Variants in CDH6 observed in about 807,000 individuals in gnomAD.
CDH6 encodes cadherin-6.
Under a neutral mutation model 78.0 loss-of-function variants are expected in CDH6, and 31 were observed. That is an observed-to-expected ratio of 0.40 (90% CI 0.30 to 0.54). The LOEUF is 0.54. Among genes scored for constraint, CDH6 ranks in the 20% least tolerant of loss-of-function variants. The pLI, the probability that CDH6 is intolerant of heterozygous loss-of-function variation, is 0.56. For missense variants in CDH6, 724 were observed against 975.9 expected, an observed-to-expected ratio of 0.74 and a Z score of 3.44; for synonymous variants, 376 against 368.8, an observed-to-expected ratio of 1.02 and a Z score of -0.23.
At chr5:31,277,554 A>G (rs1285408175) in intron 2 of CDH6, among the ~76,000 whole-genome samples, 1 of 152,214 alleles carries the variant, frequency 6.6e-6, no homozygotes, top group Non-Finnish European at 1.5e-5. Context: ...CCTTTTTAAG[A>G]GCAGAATAAT....
intron 1 of CDH6, among the ~76,000 whole-genome samples, chr5:31,252,042 C>A (rs762117209): frequency 1.3e-5 from 2 of 152,116 alleles, no homozygotes; most frequent in Non-Finnish European, 2.9e-5. Flanking sequence ...AAAATTGGAG[C>A]CTTTAATGCT....
chr5:31,267,532 T>C lies in CDH6; in HGVS notation c.59T>C (p.Leu20Pro). Residue 20 changes from leucine to proline, a missense_variant, in exon 2 of 12, where the codon CTC becomes CCC. Physicochemically the swap from Leu to Pro is moderately conservative, Grantham distance 98. This residue lies in a region of CDH6 where 58 missense variants were observed against 50.8 expected (regional missense o/e 1.14). Coordinates refer to ENST00000265071, the MANE Select transcript of CDH6 (RefSeq NM_004932.4). The stretch of plus-strand genomic sequence containing the variant: ...TGGGTGGGCCAGCCCTACCCAACTC[T>C]CTCAACTCCACTATCAAAGAGGACT... ...LFWVGQPYPT[L>P]STPLSKRTSG... 6.2e-7 allele frequency: 1 copy of C among 1,614,048 alleles called. No homozygotes were observed. Among genetic ancestry groups the C allele is most frequent in the East Asian group, 2.2e-5 (1 of 44,848 alleles).
intron 2 of CDH6, among the ~76,000 whole-genome samples, chr5:31,273,087 C>T (rs1236159614): frequency 2.6e-5 from 4 of 152,164 alleles, no homozygotes; most frequent in Non-Finnish European, 4.4e-5. Context: ...AAGTTGTCAG[C>T]CATACACACC....
intron 1 of CDH6, among the ~76,000 whole-genome samples, chr5:31,217,457 C>T (rs927698344): frequency 2.0e-5 from 3 of 152,082 alleles, no homozygotes; most frequent in Non-Finnish European, 4.4e-5. Flanking sequence ...CCTACTAATG[C>T]GTCATAACCA....
chr5:31,253,517 C>T (rs1035776415), intron 1 of CDH6, among the ~76,000 whole-genome samples: 1 of 152,068 alleles, frequency 6.6e-6, no homozygotes, highest in African/African-American at 2.4e-5. Flanking sequence ...TCTTTATTAG[C>T]AGAGTGAGAA....
intron 1 of CDH6, among the ~76,000 whole-genome samples, chr5:31,237,606 A>T (rs1741488922): frequency 6.6e-6 from 1 of 152,204 alleles, no homozygotes; most frequent in East Asian, 1.9e-4. Flanking sequence ...AGACAACCTT[A>T]AACCATATAA....
At chr5:31,305,488 C>A in intron 7 of CDH6, 61 bp downstream of exon 7, 1 of 1,504,018 alleles carries the variant, frequency 6.6e-7, no homozygotes, top group Non-Finnish European at 9.0e-7. Flanking sequence ...ATTCAAATAT[C>A]TGCCTGCACT....
intron 5 of CDH6, among the ~76,000 whole-genome samples, chr5:31,299,883 T>A (rs1287591920): frequency 6.6e-6 from 1 of 152,216 alleles, no homozygotes; most frequent in Non-Finnish European, 1.5e-5. Context: ...CATTTCTCCT[T>A]ATTAAGAAAA....
rs145445989 is a variant in CDH6 at position 31,255,662 on chromosome 5, C to T, written c.-128-11684C>T. ...ACAAACCTGAATTAGTGAAGATGTC[C>T]ACACCTTCACAAGCCCCCTTCTGTC... is the stretch of plus-strand genomic sequence containing the variant. On this transcript the variant is annotated intron_variant, in intron 1 of 11. Transcript: ENST00000265071. Among the ~76,000 whole-genome samples, 1,867 of 152,246 alleles carry T rather than the reference C, an allele frequency of 0.012. 74 individuals are homozygous for T. The South Asian group carries it at 0.15, about 12-fold the overall frequency.
intron 11 of CDH6, among the ~76,000 whole-genome samples, chr5:31,320,978 TAAA>T (rs3028833): frequency 1.5e-3 from 217 of 140,136 alleles, no homozygotes; most frequent in South Asian, 3.0e-3. Flanking sequence ...GATTCTGTCT[TAAA>T]AAAAAAAAAA....
chr5:31,229,869 T>C (rs1269547058), intron 1 of CDH6, among the ~76,000 whole-genome samples: 1 of 152,202 alleles, frequency 6.6e-6, no homozygotes, highest in Non-Finnish European at 1.5e-5. Flanking sequence ...TAAGGGACTT[T>C]GCTCTCCATT....
At chr5:31,228,258 A>G (rs1268749399) in intron 1 of CDH6, among the ~76,000 whole-genome samples, 4 of 152,150 alleles carry the variant, frequency 2.6e-5, no homozygotes, top group South Asian at 2.1e-4. Context: ...GATAATCTCC[A>G]CAGCTCAAGA....
chr5:31,270,186 A>G (rs1053261104), intron 2 of CDH6, among the ~76,000 whole-genome samples: 5 of 152,194 alleles, frequency 3.3e-5, no homozygotes, highest in Non-Finnish European at 7.3e-5. Flanking sequence ...ATCCAGCTCC[A>G]CTAGGTCAGG....
chr5:31,238,238 T>C (rs906302329), intron 1 of CDH6, among the ~76,000 whole-genome samples: 2 of 152,252 alleles, frequency 1.3e-5, no homozygotes, highest in African/African-American at 4.8e-5. Context: ...GATAATTTAA[T>C]CAAATTCTAT....
intron 2 of CDH6, among the ~76,000 whole-genome samples, chr5:31,269,266 A>T (rs1416533086): frequency 2.0e-4 from 2 of 9,864 alleles, no homozygotes; most frequent in Admixed American, 1.7e-3. Context: ...ACATATTCTT[A>T]AAAAAAAAAA....
chr5:31,283,480 T>C (rs1579880857), intron 2 of CDH6, among the ~76,000 whole-genome samples: 1 of 152,128 alleles, frequency 6.6e-6, no homozygotes, highest in South Asian at 2.1e-4. Context: ...TAAGCGGGGA[T>C]AAGAATAGAA....
At chr5:31,252,037 T>C (rs1741923973) in intron 1 of CDH6, among the ~76,000 whole-genome samples, 1 of 152,198 alleles carries the variant, frequency 6.6e-6, no homozygotes, top group African/African-American at 2.4e-5. Context: ...GGACAAAAAT[T>C]GGAGCCTTTA....
chr5:31,222,958 T>C (rs1741042394), intron 1 of CDH6, among the ~76,000 whole-genome samples: 1 of 152,172 alleles, frequency 6.6e-6, no homozygotes, highest in South Asian at 2.1e-4. Context: ...TCATTTGTTC[T>C]TTTGCAATAC....
chr5:31,206,465 G>A (rs1225110861), intron 1 of CDH6, among the ~76,000 whole-genome samples: 3 of 152,078 alleles, frequency 2.0e-5, no homozygotes, highest in East Asian at 1.9e-4. Context: ...TTAGCTTTAG[G>A]CCTATCTGTT....
Sources: allele counts gnomAD v4.1 joint callset (sites outside exome capture counted in the v4.1 genomes callset), GRCh38; gene constraint gnomAD v4.1.1; regional missense constraint gnomAD v4.1.1; transcripts MANE v1.5; gene names NCBI Gene and HGNC (gene_info 2026-07-23, HGNC 2026-07-21).